ZNF385D: variants seen among roughly 807,000 people sequenced by gnomAD.
The protein encoded by ZNF385D is zinc finger protein 385D, also known as zinc finger protein 659.
In ZNF385D, 15 loss-of-function variants were observed where a neutral mutation model predicts 35.8. The ratio of observed to expected loss-of-function variants is 0.42; its 90% CI spans 0.28 to 0.64. The LOEUF is 0.64. Among genes scored for constraint, ZNF385D ranks in the 30% least tolerant of loss-of-function variants. ZNF385D has a pLI of 0.23. For synonymous variants in ZNF385D, 212 were observed against 186.8 expected (o/e 1.13, Z -1.10); for missense variants, 474 against 494.6 (o/e 0.96, Z 0.39).
intron 4 of ZNF385D, among the ~76,000 whole-genome samples, chr3:21,461,273 C>T (rs940270956): frequency 6.6e-6 from 1 of 152,046 alleles, no homozygotes; most frequent in Non-Finnish European, 1.5e-5. Context: ...TCTTTGAGGC[C>T]TGGCACAGTG....
At chr3:21,857,910 C>A (rs1575788043) in intron 3 of ZNF385D, among the ~76,000 whole-genome samples, 2 of 151,826 alleles carry the variant, frequency 1.3e-5, no homozygotes, top group African/African-American at 4.8e-5. Context: ...AAATGCAAGG[C>A]AGTGTCCTTT....
intron 1 of ZNF385D, among the ~76,000 whole-genome samples, chr3:21,733,203 T>A (rs984809645): frequency 6.6e-6 from 1 of 152,194 alleles, no homozygotes; most frequent in Non-Finnish European, 1.5e-5. Flanking sequence ...TATCTTTACA[T>A]CAGTCTATTT....
At chr3:21,925,658 C>T (rs259521) in intron 3 of ZNF385D, among the ~76,000 whole-genome samples, 28,386 of 151,932 alleles carry the variant, frequency 0.19, 3,413 homozygotes, top group East Asian at 0.39. Context: ...AGTTACTTTC[C>T]GAAAGGCCTG....
At chr3:22,335,978 G>A (rs1355419412) in intron 2 of ZNF385D, among the ~76,000 whole-genome samples, 1 of 151,982 alleles carries the variant, frequency 6.6e-6, no homozygotes, top group African/African-American at 2.4e-5. Context: ...TTTCAAAAAT[G>A]TACATGTACT....
At chr3:21,962,835 G>A (rs1702672616) in intron 3 of ZNF385D, among the ~76,000 whole-genome samples, 1 of 152,142 alleles carries the variant, frequency 6.6e-6, no homozygotes, top group Admixed American at 6.5e-5. Context: ...CTAGGGAAAT[G>A]TTTCATTAAA....
At chr3:22,159,524 C>T (rs1037651881) in intron 3 of ZNF385D, among the ~76,000 whole-genome samples, 1 of 151,970 alleles carries the variant, frequency 6.6e-6, no homozygotes. Flanking sequence ...AGAGATTGCA[C>T]AAAGAAATCT....
chr3:22,285,625 G>A (rs569226278), intron 2 of ZNF385D, among the ~76,000 whole-genome samples: 1 of 151,990 alleles, frequency 6.6e-6, no homozygotes, highest in South Asian at 2.1e-4. Context: ...TTGGTGTGCC[G>A]CACCCATCAA....
At chr3:21,815,779 G>A (rs1041367987) in intron 3 of ZNF385D, among the ~76,000 whole-genome samples, 1 of 152,032 alleles carries the variant, frequency 6.6e-6, no homozygotes, top group Non-Finnish European at 1.5e-5. Context: ...CATTCCTTCT[G>A]AAACTATTCC....
intron 2 of ZNF385D, among the ~76,000 whole-genome samples, chr3:21,570,852 A>G (rs2063314349): frequency 6.6e-6 from 1 of 152,198 alleles, no homozygotes; most frequent in Non-Finnish European, 1.5e-5. Flanking sequence ...ATGAAGTGAC[A>G]CTGAGTGGAG....
At chr3:21,858,414 T>C (rs1194451478) in intron 3 of ZNF385D, among the ~76,000 whole-genome samples, 1 of 151,848 alleles carries the variant, frequency 6.6e-6, no homozygotes, top group Non-Finnish European at 1.5e-5. Context: ...CAGATTCACA[T>C]GTTTAAACCT....
intron 3 of ZNF385D, among the ~76,000 whole-genome samples, chr3:22,069,201 C>G (rs990433545): frequency 4.6e-5 from 7 of 152,190 alleles, no homozygotes; most frequent in African/African-American, 1.7e-4. Context: ...ACTCCCAGCT[C>G]CAACAGGGTC....
intron 4 of ZNF385D, among the ~76,000 whole-genome samples, chr3:21,485,975 C>T (rs1463904284): frequency 1.3e-5 from 2 of 149,378 alleles, no homozygotes; most frequent in Non-Finnish European, 3.0e-5. Flanking sequence ...ATTTACATTT[C>T]AGTTTTCTCT....
At chr3:22,333,269 GGTTTT>G (rs1221919314) in intron 2 of ZNF385D, among the ~76,000 whole-genome samples, 4 of 151,848 alleles carry the variant, frequency 2.6e-5, no homozygotes, top group African/African-American at 9.7e-5. Flanking sequence ...GTATTTCTTT[GGTTTT>G]ATTTTGTTTA....
intron 3 of ZNF385D, among the ~76,000 whole-genome samples, chr3:22,085,867 A>G (rs986009606): frequency 2.6e-5 from 4 of 152,202 alleles, no homozygotes; most frequent in South Asian, 2.1e-4. Flanking sequence ...TGATCAAGTC[A>G]GCTTCATCCC....
intron 3 of ZNF385D, among the ~76,000 whole-genome samples, chr3:21,901,160 T>C (rs1206086764): frequency 6.6e-6 from 1 of 152,234 alleles, no homozygotes; most frequent in Non-Finnish European, 1.5e-5. Flanking sequence ...TTTCCATTTA[T>C]AGATGATAAA....
intron 3 of ZNF385D, among the ~76,000 whole-genome samples, chr3:21,877,371 C>T (rs17009894): frequency 0.022 from 3,281 of 152,090 alleles, 130 homozygotes; most frequent in African/African-American, 0.074. Context: ...AGAGCAGATG[C>T]CCTCAATATA....
chr3:21,944,918 T>G (rs1679242), intron 3 of ZNF385D, among the ~76,000 whole-genome samples: 23 of 152,084 alleles, frequency 1.5e-4, no homozygotes, highest in African/African-American at 3.9e-4. Flanking sequence ...AGCAGTACAG[T>G]TGAGTACTTC....
chr3:21,576,227 C>G (rs1474173944), intron 2 of ZNF385D, among the ~76,000 whole-genome samples: 4 of 152,156 alleles, frequency 2.6e-5, no homozygotes, highest in Non-Finnish European at 5.9e-5. Context: ...CCACAGTGGT[C>G]CCTTGAGGAA....
At chr3:21,491,641 C>T (rs982404407) in intron 4 of ZNF385D, among the ~76,000 whole-genome samples, 4 of 152,086 alleles carry the variant, frequency 2.6e-5, no homozygotes, top group Admixed American at 2.0e-4. Context: ...AGGCTTGCTG[C>T]CTGTTTTGGT....
Sources: allele counts gnomAD v4.1 joint callset (sites outside exome capture counted in the v4.1 genomes callset), GRCh38; gene constraint gnomAD v4.1.1; transcripts MANE v1.5; gene names NCBI Gene and HGNC (gene_info 2026-07-23, HGNC 2026-07-21).